Variants in HSD17B12 observed in about 807,000 individuals in gnomAD.
The protein encoded by HSD17B12 is very-long-chain 3-oxoacyl-CoA reductase.
A neutral mutation model predicts 39.3 loss-of-function variants in HSD17B12; 32 were observed. That is an observed-to-expected ratio of 0.81 (90% CI 0.61 to 1.09). The LOEUF (loss-of-function observed/expected upper bound fraction) is 1.09, where lower values mean the gene tolerates loss of function less well. HSD17B12 is among the 50% of genes least tolerant of loss of function. The probability of loss-of-function intolerance (pLI) is 0.00; values close to 1 mark genes in which losing one functional copy is unlikely to be tolerated. For synonymous variants in HSD17B12, 150 were observed against 146.7 expected, an observed-to-expected ratio of 1.02 and a Z score of -0.16; for missense variants, 342 against 382.9, an observed-to-expected ratio of 0.89 and a Z score of 0.89.
intron 3 of HSD17B12, among the ~76,000 whole-genome samples, chr11:43,792,824 T>G (rs1387385028): frequency 2.6e-5 from 4 of 151,348 alleles, no homozygotes; most frequent in Non-Finnish European, 5.9e-5. Flanking sequence ...CACCCCACTC[T>G]AGCTTATATT....
the HSD17B12 span, among the ~76,000 whole-genome samples, chr11:43,661,198 G>C: frequency 1.3e-5 from 2 of 152,266 alleles, no homozygotes; most frequent in African/African-American, 4.8e-5. Flanking sequence ...TGCTAAGTGA[G>C]AGAAGCCAGA....
chr11:43,734,210 C>A, intron 1 of HSD17B12: 1 of 1,567,518 alleles, frequency 6.4e-7, no homozygotes. Context: ...GAGCGACGAC[C>A]TTACGGAGCG....
At chr11:43,825,130 C>CA (rs112032591) in intron 6 of HSD17B12, among the ~76,000 whole-genome samples, 85,935 of 145,590 alleles carry the variant, frequency 0.59, 25,203 homozygotes, top group East Asian at 0.7. Context: ...GACCCTGTCT[C>CA]AAAAAAAAAA....
At chr11:43,588,644 C>A in the HSD17B12 span, among the ~76,000 whole-genome samples, 7 of 78,716 alleles carry the variant, frequency 8.9e-5, no homozygotes, top group African/African-American at 1.8e-4. Context: ...TTATAGTGTT[C>A]TCTTTCCTGT....
chr11:43,617,261 G>A, the HSD17B12 span, among the ~76,000 whole-genome samples: 1 of 152,186 alleles, frequency 6.6e-6, no homozygotes, highest in African/African-American at 2.4e-5. Flanking sequence ...AACTGCTTGA[G>A]AAACCAGATG....
At chr11:43,764,007 TG>T (rs1321505232) in intron 3 of HSD17B12, among the ~76,000 whole-genome samples, 2 of 152,112 alleles carry the variant, frequency 1.3e-5, no homozygotes, top group Non-Finnish European at 2.9e-5. Context: ...TTAAATGATT[TG>T]GGGAATGTCT....
chr11:43,592,923 C>T, the HSD17B12 span, among the ~76,000 whole-genome samples: 4 of 152,094 alleles, frequency 2.6e-5, no homozygotes, highest in African/African-American at 9.7e-5. Flanking sequence ...AGGCTGTGTT[C>T]TCAAAAGATC....
intron 6 of HSD17B12, among the ~76,000 whole-genome samples, chr11:43,821,356 G>C (rs1951181168): frequency 2.0e-5 from 3 of 152,136 alleles, no homozygotes; most frequent in Admixed American, 2.0e-4. Flanking sequence ...AAGTGATATA[G>C]AAACTCTATA....
the HSD17B12 span, among the ~76,000 whole-genome samples, chr11:43,612,468 A>G: frequency 6.6e-6 from 1 of 152,222 alleles, no homozygotes; most frequent in African/African-American, 2.4e-5. Context: ...CAAGCAAGAT[A>G]TATATAGTCT....
At chr11:43,620,512 G>A in the HSD17B12 span, among the ~76,000 whole-genome samples, 1 of 152,144 alleles carries the variant, frequency 6.6e-6, no homozygotes, top group Non-Finnish European at 1.5e-5. Context: ...CATGTATAAG[G>A]TGTTATAATG....
intron 6 of HSD17B12, among the ~76,000 whole-genome samples, chr11:43,820,514 C>T (rs1951171567): frequency 6.6e-6 from 1 of 152,034 alleles, no homozygotes; most frequent in South Asian, 2.1e-4. Flanking sequence ...TGTTTGGAGC[C>T]CTGGGGTAAC....
chr11:43,817,154 G>A (rs1039446696), intron 6 of HSD17B12, among the ~76,000 whole-genome samples: 33 of 151,610 alleles, frequency 2.2e-4, no homozygotes, highest in Non-Finnish European at 4.3e-4. Context: ...TTTGAGAATT[G>A]TCTATTCATG....
At chr11:43,810,220 A>G (rs1951057194) in intron 4 of HSD17B12, among the ~76,000 whole-genome samples, 1 of 152,048 alleles carries the variant, frequency 6.6e-6, no homozygotes, top group African/African-American at 2.4e-5. Flanking sequence ...ACATCATTAT[A>G]TCTCTATAGC....
the HSD17B12 span, among the ~76,000 whole-genome samples, chr11:43,638,177 G>T: frequency 1.3e-5 from 2 of 152,308 alleles, no homozygotes; most frequent in East Asian, 3.9e-4. Flanking sequence ...CATATAGAAT[G>T]TTCGTGCTAA....
the HSD17B12 span, chr11:43,670,429 A>G: frequency 6.6e-6 from 1 of 152,186 alleles, no homozygotes; most frequent in South Asian, 2.1e-4. Flanking sequence ...CAGTAGAACG[A>G]TATACAACAT....
the HSD17B12 span, among the ~76,000 whole-genome samples, chr11:43,621,786 G>A: frequency 6.6e-6 from 1 of 152,196 alleles, no homozygotes; most frequent in Non-Finnish European, 1.5e-5. Flanking sequence ...TAGAAATGGA[G>A]ATATTTGGCC....
At chr11:43,590,250 G>C in the HSD17B12 span, among the ~76,000 whole-genome samples, 1 of 150,834 alleles carries the variant, frequency 6.6e-6, no homozygotes, top group African/African-American at 2.4e-5. Context: ...GTCTGGAGCT[G>C]AATCAATGAT....
intron 1 of HSD17B12, among the ~76,000 whole-genome samples, chr11:43,681,834 C>CTT (rs74652658): frequency 4.2e-5 from 6 of 142,236 alleles, no homozygotes; most frequent in African/African-American, 5.3e-5. Flanking sequence ...TCCCCCCCCC[C>CTT]TTTTTTTTTT....
chr11:43,597,255 A>C, the HSD17B12 span, among the ~76,000 whole-genome samples: 1 of 152,212 alleles, frequency 6.6e-6, no homozygotes, highest in Non-Finnish European at 1.5e-5. Flanking sequence ...TTTTGATAGA[A>C]AGATCATGAA....
Sources: allele counts gnomAD v4.1 joint callset (sites outside exome capture counted in the v4.1 genomes callset), GRCh38; gene constraint gnomAD v4.1.1; transcripts MANE v1.5; gene names NCBI Gene and HGNC (gene_info 2026-07-23, HGNC 2026-07-21).